The following RAI1 variants were observed in gnomAD, a reference collection of about 807,000 sequenced individuals.
RAI1 encodes the protein retinoic acid induced 1, also known as retinoic acid-induced protein 1.
A neutral mutation model predicts 123.8 loss-of-function variants in RAI1; 9 were observed. That is an observed-to-expected ratio of 0.07 (90% CI 0.04 to 0.13). The LOEUF is 0.13. Ranked by LOEUF, RAI1 falls within the 10% of genes least tolerant of loss-of-function variation. RAI1 has a pLI of 1.00. For missense variants in RAI1, 2,256 were observed against 2,545.8 expected, an observed-to-expected ratio of 0.89 and a Z score of 2.45; for synonymous variants, 1,231 against 1,127.3, an observed-to-expected ratio of 1.09 and a Z score of -1.84.
At chr17:17,702,791 C>T (rs1915268487) in intron 1 of RAI1, among the ~76,000 whole-genome samples, 1 of 152,212 alleles carries the variant, frequency 6.6e-6, no homozygotes, top group Non-Finnish European at 1.5e-5. Context: ...CTTAATATCT[C>T]ATTTTGCAGA....
intron 1 of RAI1, among the ~76,000 whole-genome samples, chr17:17,689,667 G>A (rs992027862): frequency 6.6e-6 from 1 of 152,222 alleles, no homozygotes; most frequent in Non-Finnish European, 1.5e-5. Context: ...CAGATCCAGG[G>A]TCTACCACTT....
intron 2 of RAI1, among the ~76,000 whole-genome samples, chr17:17,770,458 A>G (rs1191507568): frequency 1.3e-5 from 2 of 152,214 alleles, no homozygotes; most frequent in Non-Finnish European, 2.9e-5. Context: ...GACAGAAGTT[A>G]TAAAAGGAGG....
At chr17:17,684,907 C>CCT (rs1412526104) in intron 1 of RAI1, 1 of 152,102 alleles carries the variant, frequency 6.6e-6, no homozygotes, top group African/African-American at 2.4e-5. Flanking sequence ...AGGCCATTTA[C>CCT]CTCTCTGTGC....
rs77850055 is a variant in RAI1 at position 17,696,759 on chromosome 17, A to T, written c.-149+14966A>T. On this transcript the variant is annotated intron_variant, in intron 1 of 5. Coordinates refer to ENST00000353383, the MANE Select transcript of RAI1 (RefSeq NM_030665.4). ...AGGGACATGCAAGACTCATGGCCCGATGCTGAGATCTGGGCTCCAATAGTA... is the reference window on the plus strand; with the variant it reads ...AGGGACATGCAAGACTCATGGCCCGTTGCTGAGATCTGGGCTCCAATAGTA... Among the ~76,000 whole-genome samples, 39 of 152,342 alleles carry T rather than the reference A, an allele frequency of 2.6e-4. 1 individual carries two copies. The highest frequency in any genetic ancestry group is 2.1e-3 in the East Asian group (11 of 5,190).
At chr17:17,762,539 T>C (rs2030747628) in intron 2 of RAI1, among the ~76,000 whole-genome samples, 1 of 152,222 alleles carries the variant, frequency 6.6e-6, no homozygotes, top group African/African-American at 2.4e-5. Flanking sequence ...GCTCTCAGCA[T>C]TCACTTTACT....
intron 2 of RAI1, among the ~76,000 whole-genome samples, chr17:17,745,144 T>A (rs548734804): frequency 6.6e-6 from 1 of 152,160 alleles, no homozygotes; most frequent in South Asian, 2.1e-4. Context: ...GGAATGGGGA[T>A]CGGGGAACCT....
At chr17:17,806,063 T>G (rs568908430) in intron 4 of RAI1, among the ~76,000 whole-genome samples, 1 of 152,338 alleles carries the variant, frequency 6.6e-6, no homozygotes, top group South Asian at 2.1e-4. Flanking sequence ...CCCAAGGGGC[T>G]CACCCTTGAG....
At chr17:17,751,806 G>T (rs2030183615) in intron 2 of RAI1, among the ~76,000 whole-genome samples, 1 of 152,034 alleles carries the variant, frequency 6.6e-6, no homozygotes, top group African/African-American at 2.4e-5. Context: ...TACGAACCTA[G>T]TACCCGTTCC....
chr17:17,698,331 T>C (rs1171598876), intron 1 of RAI1, among the ~76,000 whole-genome samples: 13 of 152,152 alleles, frequency 8.5e-5, no homozygotes, highest in African/African-American at 3.1e-4. Context: ...GTCCCACCAG[T>C]ACTCAAGAAC....
intron 1 of RAI1, among the ~76,000 whole-genome samples, chr17:17,715,335 C>T (rs1915676678): frequency 6.6e-6 from 1 of 152,242 alleles, no homozygotes; most frequent in East Asian, 1.9e-4. Context: ...GGTTTGGGCT[C>T]CACCCAGGCC....
At chr17:17,692,441 T>C (rs1914872715) in intron 1 of RAI1, among the ~76,000 whole-genome samples, 1 of 152,216 alleles carries the variant, frequency 6.6e-6, no homozygotes, top group African/African-American at 2.4e-5. Flanking sequence ...CTAAGTCTTA[T>C]TAACTGCCCT....
At chr17:17,783,481 C>T (rs1194800739) in intron 2 of RAI1, among the ~76,000 whole-genome samples, 1 of 151,908 alleles carries the variant, frequency 6.6e-6, no homozygotes, top group Admixed American at 6.5e-5. Context: ...TGCGGATTTT[C>T]TCCGGCAGCA....
chr17:17,793,030 G>C lies in RAI1; in HGVS notation c.82G>C (p.Glu28Gln). The C allele has an allele frequency of 6.2e-7, 1 of 1,614,174 alleles. No individual in the cohort carries two copies. Among genetic ancestry groups the C allele is most frequent in the Non-Finnish European group, 8.5e-7 (1 of 1,180,032 alleles). Reference protein sequence around the residue: ...QQTSQETSRLENYRQPSQAGL... With the variant: ...QQTSQETSRLQNYRQPSQAGL... ...GACCTCGCAGGAAACATCACGCCTA[G>C]AGAATTACAGGCAGCCGAGTCAGGC... The change falls in exon 3 of 6, where the codon GAG becomes CAG. Residue 28 changes from glutamate (E) to glutamine (Q), a missense_variant. By Grantham distance (29) the Glu-to-Gln change is conservative (BLOSUM62 2). Transcript: ENST00000353383.
chr17:17,773,111 G>T (rs115173716), intron 2 of RAI1, among the ~76,000 whole-genome samples: 9,090 of 149,736 alleles, frequency 0.061, 372 homozygotes, highest in African/African-American at 0.09. Context: ...GTGGGTAGGT[G>T]AATAATAGAT....
rs748960228 is a variant in RAI1, at chr17:17,796,526, C to T, written c.3578C>T (p.Pro1193Leu). Residue 1193 changes from proline to leucine, a missense_variant, in exon 3 of 6, where the codon CCC becomes CTC. Pro to Leu is a moderately conservative substitution (Grantham distance 98, BLOSUM62 -3). Transcript: ENST00000353383. This position sits in a 1 kb window ranked among gnomAD's most constrained non-coding sequence, Gnocchi z 5.8. ...GCCACATTCAAGGTCTCCAGCAGCC[C>T]CCAGAAGGAGGGCAGGGTGAGCCAG... ...LPATFKVSSS[P>L]QKEGRVSQRA... is the part of the protein sequence containing the mutation. The T allele has an allele frequency of 1.2e-6, 2 of 1,611,122 alleles. No homozygotes were observed. The highest frequency in any genetic ancestry group is 1.7e-6 in the Non-Finnish European group (2 of 1,179,942).
At chr17:17,684,671 C>CATATATATAT (rs58265371) in intron 1 of RAI1, 83 of 125,830 alleles carry the variant, frequency 6.6e-4, no homozygotes, top group East Asian at 2.9e-3. Flanking sequence ...TCACTTAATG[C>CATATATATAT]ATATATATAT....
chr17:17,722,600 T>C (rs929303132), intron 1 of RAI1, among the ~76,000 whole-genome samples: 2 of 152,208 alleles, frequency 1.3e-5, no homozygotes, highest in African/African-American at 4.8e-5. Flanking sequence ...AGTTCTCGGC[T>C]GTCTCCGGGC....
intron 2 of RAI1, among the ~76,000 whole-genome samples, chr17:17,762,102 G>A (rs1455980564): frequency 4.6e-5 from 7 of 152,206 alleles, no homozygotes; most frequent in Admixed American, 4.6e-4. Context: ...TGTATGCCCT[G>A]ACAAGACAGA....
At chr17:17,752,150 C>G (rs2142984595) in intron 2 of RAI1, among the ~76,000 whole-genome samples, 1 of 152,284 alleles carries the variant, frequency 6.6e-6, no homozygotes, top group Non-Finnish European at 1.5e-5. Flanking sequence ...CCCAGCGCCC[C>G]GCAGGAGCCT....
Sources: gnomAD v4.1 joint callset for allele counts (sites outside exome capture counted in the v4.1 genomes callset) on GRCh38, gnomAD v4.1.1 for gene constraint, Gnocchi (gnomAD v3.1) non-coding constraint, MANE v1.5 for transcripts, NCBI Gene and HGNC (gene_info 2026-07-23, HGNC 2026-07-21) for gene names.